The following CPED1 variants were observed in gnomAD, a reference collection of about 807,000 sequenced individuals.
The protein encoded by CPED1 is cadherin like and PC-esterase domain containing 1, also known as cadherin-like and PC-esterase domain-containing protein 1.
Under a neutral mutation model 128.2 loss-of-function variants are expected in CPED1, and 114 were observed. The observed-to-expected ratio is 0.89, with a 90% CI of 0.76 to 1.04. The LOEUF (loss-of-function observed/expected upper bound fraction) is 1.04, where lower values mean the gene tolerates loss of function less well. Ranked by LOEUF, CPED1 falls within the 50% of genes least tolerant of loss-of-function variation. The pLI is 0.00. For missense variants in CPED1, 1,211 were observed against 1,207.1 expected (o/e 1.00, Z -0.05); for synonymous variants, 462 against 426.7 (o/e 1.08, Z -1.02).
At position 121,064,862 on chromosome 7, in the gene CPED1, T is replaced by A. The variant is rs142416729; in HGVS notation, c.616+549T>A. On this transcript the variant is annotated intron_variant, in intron 5 of 22. Coordinates refer to ENST00000310396, the MANE Select transcript of CPED1 (RefSeq NM_024913.5). ...AGTGGAAAAAGCATCAGAAGGTATATGAACCCTCATAGATGAAATAAGCCC... is the reference window on the plus strand; with the variant it reads ...AGTGGAAAAAGCATCAGAAGGTATAAGAACCCTCATAGATGAAATAAGCCC... 6.0e-3 allele frequency among the ~76,000 whole-genome samples: 920 copies of A among 152,288 alleles called. 13 individuals are homozygous for A. The highest frequency in any genetic ancestry group is 0.021 in the African/African-American group (867 of 41,550).
chr7:121,086,126 T>C (rs1347465436), intron 5 of CPED1, among the ~76,000 whole-genome samples: 1 of 152,240 alleles, frequency 6.6e-6, no homozygotes, highest in African/African-American at 2.4e-5. Context: ...TTTCTGTTTC[T>C]ACATTCCTTC....
intron 16 of CPED1, among the ~76,000 whole-genome samples, chr7:121,192,122 A>C (rs185898437): frequency 7.2e-5 from 11 of 152,170 alleles, no homozygotes; most frequent in Non-Finnish European, 1.6e-4. Flanking sequence ...ACTATTAACT[A>C]CCATGTCCAC....
chr7:121,072,942 T>C (rs13246689), intron 5 of CPED1, among the ~76,000 whole-genome samples: 59,323 of 151,962 alleles, frequency 0.39, 12,567 homozygotes, highest in Non-Finnish European at 0.49. Context: ...TCCTCTGTGT[T>C]CTTATTATAC....
chr7:121,182,473 C>G (rs985381134), intron 16 of CPED1, among the ~76,000 whole-genome samples: 5 of 151,606 alleles, frequency 3.3e-5, no homozygotes, highest in African/African-American at 1.2e-4. Context: ...CCCTTTCTTT[C>G]TTTATTTCTT....
Position 121,125,872 on chromosome 7 carries a change from A to G in CPED1, c.1114A>G (p.Met372Val), listed in dbSNP as rs767568660. Residue 372 changes from methionine to valine, a missense_variant, in exon 9 of 23, where the codon ATG (methionine) becomes GTG (valine). Coordinates refer to ENST00000310396, the MANE Select transcript of CPED1 (RefSeq NM_024913.5). ...LTFDIGYGSF[M>V]YPVVLQVHEH... ...TTTTGATATTGGTTATGGCAGTTTC[A>G]TGTACCCTGTAGTGCTCCAGGTCAG... is the stretch of plus-strand genomic sequence containing the variant. 2 of 1,613,298 alleles carry G rather than the reference A, an allele frequency of 1.2e-6. No individual in the cohort carries two copies. Among genetic ancestry groups the G allele is most frequent in the East Asian group, 2.2e-5 (1 of 44,874 alleles).
rs1052096451 is a variant in CPED1 at position 121,060,431 on chromosome 7, T to C, written c.541-3807T>C. Among the ~76,000 whole-genome samples, 3 of 152,234 alleles carry C rather than the reference T, an allele frequency of 2.0e-5. No homozygotes were observed. In the East Asian group the frequency reaches 5.8e-4, roughly 29 times the overall value. ...CTGGTGGGGACGTGGAGAATCTTCA[T>C]GTCTAGCTCAGGGATTGTAAATACA... On this transcript the variant is annotated intron_variant, in intron 4 of 22. Coordinates refer to ENST00000310396, the MANE Select transcript of CPED1 (RefSeq NM_024913.5).
intron 3 of CPED1, among the ~76,000 whole-genome samples, chr7:121,045,493 A>T (rs1213960472): frequency 1.3e-5 from 2 of 152,228 alleles, no homozygotes; most frequent in African/African-American, 2.4e-5. Context: ...TCTAATTTTC[A>T]TAGATCCCTC....
chr7:121,091,468 G>A (rs1027213923), intron 5 of CPED1, among the ~76,000 whole-genome samples: 6 of 152,188 alleles, frequency 3.9e-5, no homozygotes, highest in Admixed American at 3.3e-4. Flanking sequence ...CTGTTAGTGA[G>A]TAGTGGTGGG....
intron 7 of CPED1, among the ~76,000 whole-genome samples, chr7:121,107,096 C>T (rs1012032416): frequency 2.0e-5 from 3 of 152,134 alleles, no homozygotes; most frequent in African/African-American, 4.8e-5. Flanking sequence ...TCCCTTTCTT[C>T]ACTACCCTCA....
At chr7:121,011,516 T>G (rs529229354) in intron 2 of CPED1, among the ~76,000 whole-genome samples, 5 of 152,302 alleles carry the variant, frequency 3.3e-5, no homozygotes, top group Admixed American at 3.3e-4. Flanking sequence ...TTCTACACAT[T>G]GAAGGAAAAG....
At chr7:121,264,423 A>G (rs560651547) in intron 18 of CPED1, among the ~76,000 whole-genome samples, 63 of 152,066 alleles carry the variant, frequency 4.1e-4, no homozygotes, top group Non-Finnish European at 7.1e-4. Flanking sequence ...TTCACAAGCT[A>G]TTTTATTACA....
chr7:120,996,125 A>T (rs1430795060), intron 2 of CPED1, among the ~76,000 whole-genome samples: 1 of 94,252 alleles, frequency 1.1e-5, no homozygotes, highest in African/African-American at 4.2e-5. Context: ...CAAAAAGTTA[A>T]AAAAAAATTA....
chr7:121,272,699 T>G (rs541271915), intron 22 of CPED1, among the ~76,000 whole-genome samples: 1 of 152,218 alleles, frequency 6.6e-6, no homozygotes, highest in Admixed American at 6.5e-5. Context: ...CCAGTGAAGC[T>G]TTCTCTCTCA....
chr7:121,025,321 G>A (rs1208623512), intron 3 of CPED1, among the ~76,000 whole-genome samples: 1 of 151,774 alleles, frequency 6.6e-6, no homozygotes, highest in African/African-American at 2.4e-5. Context: ...TCCTAAAATT[G>A]TGCCTTCACA....
chr7:121,240,949 T>C (rs1387402400), intron 17 of CPED1, among the ~76,000 whole-genome samples: 2 of 152,010 alleles, frequency 1.3e-5, no homozygotes, highest in African/African-American at 4.8e-5. Flanking sequence ...TTAGGCTGTG[T>C]CTATATCAAA....
intron 3 of CPED1, among the ~76,000 whole-genome samples, chr7:121,045,749 T>A (rs1793178947): frequency 6.6e-6 from 1 of 152,212 alleles, no homozygotes; most frequent in African/African-American, 2.4e-5. Flanking sequence ...GTTTGTTTTT[T>A]AAATTGGATT....
chr7:121,212,472 C>T (rs1797668718), intron 16 of CPED1, among the ~76,000 whole-genome samples: 1 of 152,068 alleles, frequency 6.6e-6, no homozygotes, highest in South Asian at 2.1e-4. Context: ...TCCTATCCTC[C>T]TGGTGAACTT....
chr7:121,020,457 C>A (rs111996218), intron 3 of CPED1, among the ~76,000 whole-genome samples: 2 of 151,836 alleles, frequency 1.3e-5, no homozygotes, highest in African/African-American at 4.8e-5. Flanking sequence ...GCTTTTAAAG[C>A]CTAAAATTTT....
At chr7:121,275,397 T>C (rs550725144) in intron 22 of CPED1, among the ~76,000 whole-genome samples, 2 of 152,260 alleles carry the variant, frequency 1.3e-5, no homozygotes, top group East Asian at 3.9e-4. Flanking sequence ...AGTGTTTACA[T>C]AGGACAACAA....
Sources: gnomAD v4.1 joint callset for allele counts (sites outside exome capture counted in the v4.1 genomes callset) on GRCh38, gnomAD v4.1.1 for gene constraint, MANE v1.5 for transcripts, NCBI Gene and HGNC (gene_info 2026-07-23, HGNC 2026-07-21) for gene names.